The following ELP4 variants were observed in gnomAD, a reference collection of about 807,000 sequenced individuals.
ELP4 encodes elongator complex protein 4.
In ELP4, 51 loss-of-function variants were observed where a neutral mutation model predicts 48.9. That is an observed-to-expected ratio of 1.04 (90% CI 0.83 to 1.32). The LOEUF (loss-of-function observed/expected upper bound fraction) is 1.32, where lower values mean the gene tolerates loss of function less well. ELP4 is among the 40% of genes most tolerant of loss of function. The pLI is 0.00. For missense variants in ELP4, 519 were observed against 514.6 expected, an observed-to-expected ratio of 1.01 and a Z score of -0.08; for synonymous variants, 210 against 189.2, an observed-to-expected ratio of 1.11 and a Z score of -0.90.
chr11:31,656,536 A>C (rs1419845841), intron 9 of ELP4, among the ~76,000 whole-genome samples: 1 of 152,066 alleles, frequency 6.6e-6, no homozygotes, highest in Non-Finnish European at 1.5e-5. Flanking sequence ...TTTTATATAA[A>C]AATCTTCATT....
chr11:31,622,847 A>G (rs1443851246), intron 5 of ELP4, among the ~76,000 whole-genome samples: 2 of 151,656 alleles, frequency 1.3e-5, no homozygotes, highest in Non-Finnish European at 3.0e-5. Flanking sequence ...TTACTAAACA[A>G]CATGATAATA....
intron 9 of ELP4, among the ~76,000 whole-genome samples, chr11:31,672,518 G>A (rs540099498): frequency 7.9e-5 from 12 of 152,286 alleles, no homozygotes; most frequent in South Asian, 4.1e-4. Flanking sequence ...AGCCAAGCAC[G>A]GTGGTTCCCA....
intron 2 of ELP4, among the ~76,000 whole-genome samples, chr11:31,532,306 A>C (rs539015566): frequency 1.3e-5 from 2 of 152,322 alleles, no homozygotes; most frequent in African/African-American, 4.8e-5. Context: ...GCTAAGTACT[A>C]TGTCTAGTTA....
intron 3 of ELP4, among the ~76,000 whole-genome samples, chr11:31,558,015 T>G (rs1259779784): frequency 3.9e-5 from 6 of 152,084 alleles, no homozygotes; most frequent in African/African-American, 1.4e-4. Flanking sequence ...AATCAGAATA[T>G]TTTCCCTTTT....
chr11:31,699,578 G>T (rs944161600), intron 9 of ELP4, among the ~76,000 whole-genome samples: 3 of 152,124 alleles, frequency 2.0e-5, no homozygotes, highest in African/African-American at 7.2e-5. Flanking sequence ...AATTCAGATG[G>T]AAGTTTTCAA....
intron 9 of ELP4, among the ~76,000 whole-genome samples, chr11:31,774,046 G>T (rs1948198854): frequency 1.3e-5 from 2 of 152,178 alleles, no homozygotes; most frequent in African/African-American, 4.8e-5. Flanking sequence ...AGACATGGTA[G>T]CTTGTGCCTG....
chr11:31,723,794 C>A (rs918071890), intron 9 of ELP4, among the ~76,000 whole-genome samples: 40 of 152,122 alleles, frequency 2.6e-4, no homozygotes, highest in African/African-American at 8.7e-4. Context: ...TATTTATGCA[C>A]TGAAAAAGCA....
chr11:31,767,053 G>A (rs1241955443), intron 9 of ELP4, among the ~76,000 whole-genome samples: 1 of 152,080 alleles, frequency 6.6e-6, no homozygotes, highest in Non-Finnish European at 1.5e-5. Flanking sequence ...ATTCTTATAT[G>A]TGGTTTTAAT....
intron 2 of ELP4, among the ~76,000 whole-genome samples, chr11:31,537,054 C>G (rs1480591642): frequency 2.6e-5 from 4 of 152,074 alleles, no homozygotes. Context: ...TTTGCCTACT[C>G]CAAGGTTGCA....
At chr11:31,716,214 T>C (rs1036705122) in intron 9 of ELP4, among the ~76,000 whole-genome samples, 5 of 152,098 alleles carry the variant, frequency 3.3e-5, no homozygotes, top group African/African-American at 1.2e-4. Context: ...GATTTTGTTA[T>C]GTTGCCCAGG....
At chr11:31,615,567 G>A (rs1267800745) in intron 5 of ELP4, among the ~76,000 whole-genome samples, 1 of 151,554 alleles carries the variant, frequency 6.6e-6, no homozygotes, top group Non-Finnish European at 1.5e-5. Context: ...TAACTACTTG[G>A]GCAAATATTT....
chr11:31,732,916 A>G (rs1947224385), intron 9 of ELP4, among the ~76,000 whole-genome samples: 1 of 152,220 alleles, frequency 6.6e-6, no homozygotes, highest in South Asian at 2.1e-4. Context: ...ACCCAAATAG[A>G]TGAAGCAAAC....
At chr11:31,569,043 C>T (rs549703468) in intron 3 of ELP4, among the ~76,000 whole-genome samples, 1 of 151,738 alleles carries the variant, frequency 6.6e-6, no homozygotes, top group South Asian at 2.1e-4. Flanking sequence ...CGAGATCGTG[C>T]CACTGCACTC....
chr11:31,518,124 G>A (rs78894590), intron 1 of ELP4, among the ~76,000 whole-genome samples: 1 of 114,682 alleles, frequency 8.7e-6, no homozygotes, highest in African/African-American at 3.2e-5. Context: ...TTTTTTTTTT[G>A]AGACAGAGTT....
chr11:31,560,174 G>A (rs1956994439), intron 3 of ELP4, among the ~76,000 whole-genome samples: 1 of 152,042 alleles, frequency 6.6e-6, no homozygotes, highest in Admixed American at 6.6e-5. Flanking sequence ...CCCCTTAAAT[G>A]AAGATAATAT....
At chr11:31,713,782 A>G (rs1052617436) in intron 9 of ELP4, among the ~76,000 whole-genome samples, 1 of 152,168 alleles carries the variant, frequency 6.6e-6, no homozygotes, top group African/African-American at 2.4e-5. Flanking sequence ...AATTTCAAAC[A>G]TACACAAAAG....
intron 9 of ELP4, among the ~76,000 whole-genome samples, chr11:31,721,910 G>T (rs1239554086): frequency 1.3e-5 from 2 of 152,066 alleles, no homozygotes; most frequent in Non-Finnish European, 2.9e-5. Context: ...ATGATAATGA[G>T]TTCACCTTTA....
At chr11:31,557,659 T>C (rs1271825906) in intron 3 of ELP4, among the ~76,000 whole-genome samples, 1 of 152,034 alleles carries the variant, frequency 6.6e-6, no homozygotes, top group African/African-American at 2.4e-5. Context: ...GGGACAGTTA[T>C]AAGAATGAAG....
At chr11:31,743,479 T>C (rs368689184) in intron 9 of ELP4, among the ~76,000 whole-genome samples, 4 of 152,112 alleles carry the variant, frequency 2.6e-5, no homozygotes, top group South Asian at 2.1e-4. Context: ...TACTCCAAAA[T>C]TGACCACATA....
Sources: gnomAD v4.1 joint callset for allele counts (sites outside exome capture counted in the v4.1 genomes callset) on GRCh38, gnomAD v4.1.1 for gene constraint, MANE v1.5 for transcripts, NCBI Gene and HGNC (gene_info 2026-07-23, HGNC 2026-07-21) for gene names.